Variants in TBC1D22A observed in about 807,000 individuals in gnomAD.
TBC1D22A encodes the protein putative GTPase activator.
Under a neutral mutation model 60.2 loss-of-function variants are expected in TBC1D22A, and 38 were observed. The ratio of observed to expected loss-of-function variants is 0.63; its 90% CI spans 0.49 to 0.83. TBC1D22A has a LOEUF of 0.83. Among genes scored for constraint, TBC1D22A ranks in the 40% least tolerant of loss-of-function variants. The pLI, the probability that TBC1D22A is intolerant of heterozygous loss-of-function variation, is 0.00. For missense variants in TBC1D22A, 628 were observed against 701.0 expected, an observed-to-expected ratio of 0.90 and a Z score of 1.18; for synonymous variants, 302 against 281.7, an observed-to-expected ratio of 1.07 and a Z score of -0.72.
At chr22:46,874,468 T>C (rs1200572230) in intron 4 of TBC1D22A, among the ~76,000 whole-genome samples, 1 of 151,978 alleles carries the variant, frequency 6.6e-6, no homozygotes, top group Admixed American at 6.6e-5. Context: ...CTGACTGATA[T>C]GAGATGGTAT....
intron 4 of TBC1D22A, among the ~76,000 whole-genome samples, chr22:46,820,138 A>G (rs2085765695): frequency 6.6e-6 from 1 of 151,364 alleles, no homozygotes; most frequent in Non-Finnish European, 1.5e-5. Context: ...CTTTTTCTTT[A>G]TTAGTCCAGC....
chr22:46,896,864 G>GT (rs1191457540), intron 7 of TBC1D22A, among the ~76,000 whole-genome samples: 1 of 151,868 alleles, frequency 6.6e-6, no homozygotes, highest in African/African-American at 2.4e-5. Flanking sequence ...CTTGTTTTTT[G>GT]TTTTTTGGGT....
At chr22:47,091,395 A>AGAAGTCGTCTTTGGTGG (rs2064964557) in intron 11 of TBC1D22A, among the ~76,000 whole-genome samples, 3 of 136,706 alleles carry the variant, frequency 2.2e-5, no homozygotes, top group African/African-American at 8.4e-5. Flanking sequence ...GACAGGCACG[A>AGAAGTCGTCTTTGGTGG]GAAGTCGTCT....
intron 1 of TBC1D22A, among the ~76,000 whole-genome samples, chr22:46,788,039 C>A (rs1331128523): frequency 6.6e-6 from 1 of 151,458 alleles, no homozygotes; most frequent in East Asian, 1.9e-4. Flanking sequence ...CGGGTTCACA[C>A]CATTCTCTTG....
chr22:47,101,732 G>A (rs1308851610), intron 11 of TBC1D22A, among the ~76,000 whole-genome samples: 1 of 152,216 alleles, frequency 6.6e-6, no homozygotes, highest in East Asian at 1.9e-4. Context: ...GGACAGTGGG[G>A]GCACCGAGTT....
At chr22:47,173,064 C>T (rs552950399) in intron 12 of TBC1D22A, among the ~76,000 whole-genome samples, 140 of 152,318 alleles carry the variant, frequency 9.2e-4, no homozygotes, top group Middle Eastern at 3.4e-3. Flanking sequence ...AGCTCCTGGG[C>T]GGAGGCTGCA....
intron 9 of TBC1D22A, among the ~76,000 whole-genome samples, chr22:46,982,823 A>G (rs2074567499): frequency 1.3e-5 from 2 of 152,202 alleles, no homozygotes; most frequent in South Asian, 4.1e-4. Flanking sequence ...GGGCAGCTGT[A>G]GACCTTGTTG....
chr22:46,777,874 G>A lies in TBC1D22A; in HGVS notation c.63-14646G>A, dbSNP rs144287906. Reference sequence around the variant, plus strand: ...TTGGTCCCTGTGTGAACATCACAGAGCACATTTATACAAACCCAGGTAGAG... The same window carrying A: ...TTGGTCCCTGTGTGAACATCACAGAACACATTTATACAAACCCAGGTAGAG... On this transcript the variant is annotated intron_variant, in intron 1 of 12. Transcript: ENST00000337137. The surrounding 1 kb of genome is among the most constrained non-coding windows in gnomAD (Gnocchi z 4.5). 1.1e-4 allele frequency among the ~76,000 whole-genome samples: 17 copies of A among 152,336 alleles called. No individual in the cohort carries two copies. The highest frequency in any genetic ancestry group is 3.8e-4 in the African/African-American group (16 of 41,576).
chr22:47,149,720 A>C (rs2067429926), intron 12 of TBC1D22A, among the ~76,000 whole-genome samples: 1 of 152,234 alleles, frequency 6.6e-6, no homozygotes, highest in South Asian at 2.1e-4. Flanking sequence ...AGGGGCTGGC[A>C]CTGGGGCCGA....
At chr22:47,025,262 G>T (rs555223114) in intron 10 of TBC1D22A, among the ~76,000 whole-genome samples, 1 of 152,146 alleles carries the variant, frequency 6.6e-6, no homozygotes, top group Non-Finnish European at 1.5e-5. Flanking sequence ...TGACTTAATT[G>T]ATTTTTATAG....
At chr22:46,959,789 G>A (rs1029138261) in intron 8 of TBC1D22A, among the ~76,000 whole-genome samples, 1 of 152,188 alleles carries the variant, frequency 6.6e-6, no homozygotes, top group African/African-American at 2.4e-5. Flanking sequence ...ATGACTTACT[G>A]TCAGCCTGGA....
At chr22:47,115,602 C>T (rs1176339985) in intron 12 of TBC1D22A, among the ~76,000 whole-genome samples, 5 of 152,200 alleles carry the variant, frequency 3.3e-5, no homozygotes, top group Non-Finnish European at 2.9e-5. Context: ...GGTCATTTCA[C>T]AGTAAGAGGA....
At chr22:46,871,689 G>A (rs1460892005) in intron 4 of TBC1D22A, among the ~76,000 whole-genome samples, 1 of 152,196 alleles carries the variant, frequency 6.6e-6, no homozygotes, top group Middle Eastern at 3.2e-3. Context: ...AGCTAAAACA[G>A]TGCCTGGAGG....
intron 4 of TBC1D22A, among the ~76,000 whole-genome samples, chr22:46,861,001 G>T (rs1288319035): frequency 6.6e-6 from 1 of 152,108 alleles, no homozygotes; most frequent in Non-Finnish European, 1.5e-5. Context: ...TTAAGGCAGG[G>T]TCTAAGCTCT....
At chr22:46,928,761 T>C (rs917185438) in intron 8 of TBC1D22A, among the ~76,000 whole-genome samples, 2 of 152,154 alleles carry the variant, frequency 1.3e-5, no homozygotes, top group African/African-American at 4.8e-5. Context: ...TTTGAATAGA[T>C]ATTTCTCCAG....
At chr22:46,963,222 CA>C (rs136098) in intron 8 of TBC1D22A, among the ~76,000 whole-genome samples, 32,485 of 104,744 alleles carry the variant, frequency 0.31, 4,331 homozygotes, top group African/African-American at 0.41. Context: ...GACTCCGTCT[CA>C]AAAAAAAAAA....
intron 4 of TBC1D22A, among the ~76,000 whole-genome samples, chr22:46,857,085 G>T (rs2087608881): frequency 6.6e-6 from 1 of 152,256 alleles, no homozygotes; most frequent in Admixed American, 6.5e-5. Context: ...GGGGTGCCGT[G>T]GTCATCATTG....
intron 10 of TBC1D22A, among the ~76,000 whole-genome samples, chr22:47,035,223 C>T (rs955754798): frequency 3.3e-5 from 5 of 152,212 alleles, no homozygotes; most frequent in South Asian, 2.1e-4. Context: ...CGCCTGCCTC[C>T]GGGGCCTGCC....
chr22:47,095,900 T>TGGAGGCTGGCCC (rs2065152894), intron 11 of TBC1D22A, among the ~76,000 whole-genome samples: 1 of 152,236 alleles, frequency 6.6e-6, no homozygotes. Flanking sequence ...AGGGCTGGGC[T>TGGAGGCTGGCCC]GGAGGCTGGC....
Sources: allele counts gnomAD v4.1 joint callset (sites outside exome capture counted in the v4.1 genomes callset), GRCh38; gene constraint gnomAD v4.1.1; non-coding constraint Gnocchi (gnomAD v3.1); transcripts MANE v1.5; gene names NCBI Gene and HGNC (gene_info 2026-07-23, HGNC 2026-07-21).